The following SLC8A1 variants were observed in gnomAD, a reference collection of about 807,000 sequenced individuals.
The protein encoded by SLC8A1 is solute carrier family 8 member A1.
A neutral mutation model predicts 68.3 loss-of-function variants in SLC8A1; 18 were observed. The observed-to-expected ratio is 0.26, with a 90% confidence interval of 0.18 to 0.39. The LOEUF (loss-of-function observed/expected upper bound fraction) is 0.39. Ranked by LOEUF, SLC8A1 falls within the 10% of genes least tolerant of loss-of-function variation. The pLI is 1.00. For synonymous variants in SLC8A1, 475 were observed against 415.5 expected (o/e 1.14, Z -1.74); for missense variants, 985 against 1,156.7 (o/e 0.85, Z 2.15).
At chr2:40,314,551 G>T (rs1279475355) in intron 2 of SLC8A1, among the ~76,000 whole-genome samples, 2 of 151,822 alleles carry the variant, frequency 1.3e-5, no homozygotes, top group East Asian at 1.9e-4. Context: ...TGCTTATTGG[G>T]ATTTTCACTG....
chr2:40,257,555 A>C (rs980827652), intron 2 of SLC8A1, among the ~76,000 whole-genome samples: 10 of 152,072 alleles, frequency 6.6e-5, no homozygotes, highest in African/African-American at 2.4e-4. Context: ...CAGCCACTAT[A>C]TCCAAGAGCG....
At chr2:40,270,360 T>TA (rs2065876285) in intron 2 of SLC8A1, among the ~76,000 whole-genome samples, 2 of 152,224 alleles carry the variant, frequency 1.3e-5, no homozygotes, top group African/African-American at 4.8e-5. Context: ...TTTATCATCT[T>TA]CTAGTTTGTA....
chr2:40,360,235 G>C (rs571442875), intron 2 of SLC8A1, among the ~76,000 whole-genome samples: 2 of 152,258 alleles, frequency 1.3e-5, no homozygotes, highest in East Asian at 3.9e-4. Flanking sequence ...GCATATGCTA[G>C]GCACTCCGTA....
chr2:40,168,991 G>A (rs1348299778), intron 4 of SLC8A1, among the ~76,000 whole-genome samples: 2 of 152,150 alleles, frequency 1.3e-5, no homozygotes, highest in Non-Finnish European at 2.9e-5. Context: ...ATCACCAGTG[G>A]GGGATCTCCC....
chr2:40,407,276 G>T (rs2149683688), intron 2 of SLC8A1, among the ~76,000 whole-genome samples: 1 of 152,268 alleles, frequency 6.6e-6, no homozygotes, highest in South Asian at 2.1e-4. Flanking sequence ...ATGTTGGCCA[G>T]GCTGGTCTGG....
At chr2:40,479,290 G>A (rs989004792) in intron 1 of SLC8A1, among the ~76,000 whole-genome samples, 1 of 152,104 alleles carries the variant, frequency 6.6e-6, no homozygotes, top group Non-Finnish European at 1.5e-5. Flanking sequence ...TCTTTTGTAT[G>A]TAACTTCAAC....
At chr2:40,214,088 C>A (rs1314101892) in intron 2 of SLC8A1, among the ~76,000 whole-genome samples, 4 of 152,300 alleles carry the variant, frequency 2.6e-5, no homozygotes, top group Admixed American at 2.0e-4. Flanking sequence ...GGCTAGGAAT[C>A]TGGCATCTGC....
chr2:40,209,121 ATGCTAGATG>A (rs1193397505), intron 2 of SLC8A1: 3 of 152,186 alleles, frequency 2.0e-5, no homozygotes, highest in Non-Finnish European at 4.4e-5. Flanking sequence ...AGTATTTAGT[ATGCTAGATG>A]TGCTATGGAA....
intron 2 of SLC8A1, among the ~76,000 whole-genome samples, chr2:40,341,035 C>A (rs377355707): frequency 6.6e-6 from 1 of 152,020 alleles, no homozygotes; most frequent in Non-Finnish European, 1.5e-5. Flanking sequence ...TTTGAAGGAA[C>A]GGATGCTTAA....
intron 2 of SLC8A1, among the ~76,000 whole-genome samples, chr2:40,247,674 A>T (rs2062075700): frequency 6.6e-6 from 1 of 152,234 alleles, no homozygotes; most frequent in Admixed American, 6.5e-5. Context: ...TTGTTAATAC[A>T]TTAACAGTAA....
intron 1 of SLC8A1, among the ~76,000 whole-genome samples, chr2:40,511,594 C>G (rs1706729705): frequency 1.3e-5 from 2 of 152,102 alleles, no homozygotes; most frequent in African/African-American, 4.8e-5. Context: ...TTTTGATATT[C>G]TGCCACAATC....
At chr2:40,123,820 T>A (rs1329433925) in intron 7 of SLC8A1, among the ~76,000 whole-genome samples, 2 of 152,222 alleles carry the variant, frequency 1.3e-5, no homozygotes, top group African/African-American at 4.8e-5. Context: ...CTGAATTAAT[T>A]GTCATTTTCC....
intron 6 of SLC8A1, among the ~76,000 whole-genome samples, chr2:40,147,468 T>C (rs2042675166): frequency 2.0e-5 from 3 of 152,180 alleles, no homozygotes; most frequent in Non-Finnish European, 4.4e-5. Context: ...TAAGGCTTTG[T>C]CAAGTAGAAT....
chr2:40,217,573 G>T (rs902611180), intron 2 of SLC8A1, among the ~76,000 whole-genome samples: 3 of 152,042 alleles, frequency 2.0e-5, no homozygotes, highest in African/African-American at 7.3e-5. Flanking sequence ...GTCATCTTTT[G>T]GGAGGCTTCC....
rs993628782 is a variant in SLC8A1, at chr2:40,258,077, T to C, written c.1809-80222A>G. Reference sequence around the variant, plus strand: ...TGCCAAACAATTGTAAGAAAAGCTGTCAAACATTTTGTGTTATTATCCCCT... The same window carrying C: ...TGCCAAACAATTGTAAGAAAAGCTGCCAAACATTTTGTGTTATTATCCCCT... On this transcript the variant is annotated intron_variant, in intron 2 of 7. Coordinates refer to ENST00000406785, the Ensembl canonical transcript of SLC8A1. Among the ~76,000 whole-genome samples the C allele has an allele frequency of 6.6e-5, 10 of 152,206 alleles. No individual in the cohort carries two copies. The South Asian group carries it at 2.1e-3, about 31-fold the overall frequency.
chr2:40,403,796 A>G (rs1194657560), intron 2 of SLC8A1, among the ~76,000 whole-genome samples: 1 of 152,242 alleles, frequency 6.6e-6, no homozygotes, highest in Non-Finnish European at 1.5e-5. Flanking sequence ...ATGTGTAACT[A>G]ATAATGAATA....
intron 2 of SLC8A1, among the ~76,000 whole-genome samples, chr2:40,360,311 A>C (rs916195119): frequency 9.9e-5 from 15 of 152,182 alleles, no homozygotes; most frequent in African/African-American, 3.1e-4. Flanking sequence ...TAAATTTGGG[A>C]TCATCATGCT....
At chr2:40,449,971 A>T (rs571140538) in intron 1 of SLC8A1, among the ~76,000 whole-genome samples, 12 of 152,326 alleles carry the variant, frequency 7.9e-5, no homozygotes, top group African/African-American at 2.6e-4. Flanking sequence ...ATCTTAGCTA[A>T]AGAGCCGTGA....
At chr2:40,436,939 A>AG (rs886221586) in intron 1 of SLC8A1, among the ~76,000 whole-genome samples, 91 of 152,316 alleles carry the variant, frequency 6.0e-4, no homozygotes, top group African/African-American at 2.1e-3. Flanking sequence ...GGCCCTACTC[A>AG]GGGCACTGAT....
Sources: allele counts gnomAD v4.1 joint callset (sites outside exome capture counted in the v4.1 genomes callset), GRCh38; gene constraint gnomAD v4.1.1; transcripts MANE v1.5; gene names NCBI Gene and HGNC (gene_info 2026-07-23, HGNC 2026-07-21).